Variants in TRPC1 observed in about 807,000 individuals in gnomAD.
TRPC1 encodes transient receptor potential cation channel subfamily C member 1.
Under a neutral mutation model 88.2 loss-of-function variants are expected in TRPC1, and 42 were observed. The ratio of observed to expected loss-of-function variants is 0.48; its 90% CI spans 0.37 to 0.62. TRPC1 has a LOEUF of 0.62. Ranked by LOEUF, TRPC1 falls within the 20% of genes least tolerant of loss-of-function variation. The pLI, the probability that TRPC1 is intolerant of heterozygous loss-of-function variation, is 0.00. For synonymous variants in TRPC1, 288 were observed against 331.8 expected (o/e 0.87, Z 1.43); for missense variants, 699 against 957.3 (o/e 0.73, Z 3.56).
At chr3:142,725,276 C>T (rs577702644) in intron 1 of TRPC1, among the ~76,000 whole-genome samples, 87 of 152,266 alleles carry the variant, frequency 5.7e-4, no homozygotes, top group Non-Finnish European at 8.7e-4. Context: ...GCATTAATAA[C>T]GGAATATCCT....
intron 12 of TRPC1, 30 bp downstream of exon 12, chr3:142,804,660 T>C: frequency 6.4e-7 from 1 of 1,556,836 alleles, no homozygotes; most frequent in Non-Finnish European, 8.7e-7. Context: ...AATGGCAACA[T>C]AAAAGTTTTA....
chr3:142,733,005 T>C (rs576526792), intron 1 of TRPC1, among the ~76,000 whole-genome samples: 117 of 151,882 alleles, frequency 7.7e-4, no homozygotes, highest in African/African-American at 2.7e-3. Context: ...TTTAAATGAA[T>C]TGCAAATATA....
intron 9 of TRPC1, among the ~76,000 whole-genome samples, chr3:142,800,213 A>T (rs1219517191): frequency 6.6e-6 from 1 of 152,122 alleles, no homozygotes; most frequent in Non-Finnish European, 1.5e-5. Flanking sequence ...TCCTTCTTAC[A>T]TATTTTGAGT....
intron 1 of TRPC1, among the ~76,000 whole-genome samples, chr3:142,728,898 G>T (rs1933789354): frequency 6.6e-6 from 1 of 152,134 alleles, no homozygotes; most frequent in Non-Finnish European, 1.5e-5. Context: ...GGTGTGAAGT[G>T]TTATGTTGAC....
chr3:142,762,643 G>A (rs1474015817), intron 4 of TRPC1, among the ~76,000 whole-genome samples: 2 of 151,562 alleles, frequency 1.3e-5, no homozygotes, highest in African/African-American at 4.9e-5. Flanking sequence ...TGGCCAGACT[G>A]CTCTCAAACT....
At chr3:142,764,563 C>T (rs1935319351) in intron 4 of TRPC1, among the ~76,000 whole-genome samples, 1 of 151,648 alleles carries the variant, frequency 6.6e-6, no homozygotes, top group Non-Finnish European at 1.5e-5. Flanking sequence ...CTTTTTTTTC[C>T]CTTTGGGCAC....
chr3:142,724,679 G>A lies in TRPC1; in HGVS notation c.120G>A (p.Val40=), dbSNP rs373898841. 513 of 1,610,890 alleles carry A rather than the reference G, an allele frequency of 3.2e-4. No homozygotes were observed. Among genetic ancestry groups the A allele is most frequent in the Non-Finnish European group, 4.1e-4 (480 of 1,178,088 alleles). ...EVMALKDVRE[V]KEENTLNEKL... ...TGGCGCTGAAGGATGTGCGGGAGGT[G>A]AAGGAGGAGAATACGCTGAATGAGA... is the stretch of plus-strand genomic sequence containing the variant. Residue 40 remains valine, a synonymous_variant, in exon 1 of 13, where the codon GTG becomes GTA. Transcript: ENST00000476941. The surrounding 1 kb of genome is among the most constrained non-coding windows in gnomAD (Gnocchi z 5.6).
At chr3:142,799,982 A>G (rs1451051145) in intron 9 of TRPC1, among the ~76,000 whole-genome samples, 3 of 152,072 alleles carry the variant, frequency 2.0e-5, no homozygotes, top group Non-Finnish European at 4.4e-5. Flanking sequence ...CTATTGGAAA[A>G]CCTGATTTAC....
intron 10 of TRPC1, among the ~76,000 whole-genome samples, chr3:142,802,949 T>C (rs763277052): frequency 2.0e-5 from 3 of 152,210 alleles, no homozygotes; most frequent in Non-Finnish European, 1.5e-5. Context: ...TTGTGTGTCA[T>C]CTTATGTAAA....
chr3:142,729,320 A>C (rs1933804866), intron 1 of TRPC1, among the ~76,000 whole-genome samples: 1 of 152,224 alleles, frequency 6.6e-6, no homozygotes, highest in Non-Finnish European at 1.5e-5. Context: ...AATTGTGTTA[A>C]GGCACTGTGA....
chr3:142,763,983 T>TAC (rs57709436), intron 4 of TRPC1, among the ~76,000 whole-genome samples: 2 of 74,316 alleles, frequency 2.7e-5, no homozygotes, highest in South Asian at 6.9e-4. Flanking sequence ...TATATATATA[T>TAC]ACACATACAT....
chr3:142,779,861 ATTTTTTTTTTTT>A lies in TRPC1; in HGVS notation c.765-963_765-952del, dbSNP rs1008974297. ...CTTAGACATAAAGTTAATGTAATTG[ATTTTTTTTTTTT>A]TTTTTTTTTGGAGACCCAGGCTGGA... On this transcript the variant is annotated intron_variant, in intron 5 of 12. Transcript: ENST00000476941. Among the ~76,000 whole-genome samples, 261 of 125,414 alleles carry A rather than the reference ATTTTTTTTTTTT, an allele frequency of 2.1e-3. 1 individual carries two copies. The highest frequency in any genetic ancestry group is 7.0e-3 in the African/African-American group (230 of 32,698). The allele number at this position is 125,414 out of a possible 152,430, so 82.3% of individuals were successfully genotyped here. A position where few individuals can be genotyped will look rare whatever the true frequency, so the allele number is the denominator to read the frequency against.
intron 8 of TRPC1, among the ~76,000 whole-genome samples, chr3:142,791,979 A>G (rs1385925212): frequency 1.3e-5 from 2 of 152,010 alleles, no homozygotes; most frequent in Admixed American, 6.6e-5. Flanking sequence ...GTCACATTCA[A>G]GGAACTAAAA....
intron 3 of TRPC1, among the ~76,000 whole-genome samples, chr3:142,746,787 G>A (rs1934570051): frequency 6.6e-6 from 1 of 151,990 alleles, no homozygotes; most frequent in Non-Finnish European, 1.5e-5. Context: ...ATGGCCGGGA[G>A]GCGGAGCTTT....
At position 142,748,299 on chromosome 3, in the gene TRPC1, T is replaced by A. The variant is rs1348064537; in HGVS notation, c.471T>A (p.Thr157=). Reference sequence around the variant, plus strand: ...TTCAGAATCCTGAGTATTCAACAACTATGGATGTTGCACCTGTCATTTTAG... The same window carrying A: ...TTCAGAATCCTGAGTATTCAACAACAATGGATGTTGCACCTGTCATTTTAG... ...ERIQNPEYST[T]MDVAPVILAA... Residue 157 remains threonine, a synonymous_variant, in exon 4 of 13, where the codon ACT becomes ACA. Transcript: ENST00000476941. 2 of 1,613,958 alleles carry A rather than the reference T, an allele frequency of 1.2e-6. No individual in the cohort carries two copies. Among genetic ancestry groups the A allele is most frequent in the East Asian group, 2.2e-5 (1 of 44,884 alleles).
chr3:142,806,283 A>AGAC lies in TRPC1; in HGVS notation c.*49_*51dup. ...AATAATTTTCAATAACAGATCCAAAAGACTATATTGCATAACTTGCAATGA... is the reference window on the plus strand; with the variant it reads ...AATAATTTTCAATAACAGATCCAAAAGACGACTATATTGCATAACTTGCAATGA... On this transcript the variant is annotated 3_prime_UTR_variant, in exon 13 of 13. Coordinates refer to ENST00000476941, the MANE Select transcript of TRPC1 (RefSeq NM_001251845.2). 7.0e-7 allele frequency: 1 copy of AGAC among 1,419,964 alleles called. No individual in the cohort carries two copies. The highest frequency in any genetic ancestry group is 9.7e-7 in the Non-Finnish European group (1 of 1,025,956). 88.0% of individuals were successfully genotyped at this position (1,419,964 alleles called of 1,614,324 possible). A position where few individuals can be genotyped will look rare whatever the true frequency, so the allele number is the denominator to read the frequency against.
intron 4 of TRPC1, among the ~76,000 whole-genome samples, chr3:142,749,088 A>T (rs1038519467): frequency 1.3e-5 from 2 of 152,334 alleles, no homozygotes; most frequent in African/African-American, 4.8e-5. Flanking sequence ...CATGTGCTAC[A>T]TGACATTTTG....
intron 4 of TRPC1, among the ~76,000 whole-genome samples, chr3:142,757,746 G>A (rs1935028494): frequency 6.6e-6 from 1 of 152,090 alleles, no homozygotes; most frequent in African/African-American, 2.4e-5. Context: ...AACCACCATG[G>A]CACATGTATA....
intron 7 of TRPC1, among the ~76,000 whole-genome samples, chr3:142,787,758 A>C (rs931234022): frequency 6.6e-6 from 1 of 152,222 alleles, no homozygotes; most frequent in East Asian, 1.9e-4. Flanking sequence ...ATTAAGTGCT[A>C]TTGGTTAAAG....
Sources: allele counts gnomAD v4.1 joint callset (sites outside exome capture counted in the v4.1 genomes callset), GRCh38; gene constraint gnomAD v4.1.1; non-coding constraint Gnocchi (gnomAD v3.1); transcripts MANE v1.5; gene names NCBI Gene and HGNC (gene_info 2026-07-23, HGNC 2026-07-21).